Variants in DEUP1 observed in about 807,000 individuals in gnomAD.
DEUP1 encodes the protein coiled-coil domain containing 67.
DEUP1 carries 82 observed loss-of-function variants against 87.4 expected under a neutral mutation model. That is an observed-to-expected ratio of 0.94 (90% confidence interval 0.78 to 1.13). The LOEUF (loss-of-function observed/expected upper bound fraction) is 1.13, where lower values mean the gene tolerates loss of function less well. Ranked by LOEUF, DEUP1 falls within the 50% of genes most tolerant of loss-of-function variation. The probability of loss-of-function intolerance (pLI) is 0.00; values close to 1 mark genes in which losing one functional copy is unlikely to be tolerated. For synonymous variants in DEUP1, 214 were observed against 222.7 expected (o/e 0.96, Z 0.35); for missense variants, 663 against 681.5 (o/e 0.97, Z 0.30).
At chr11:93,345,468 C>G (rs937879554) in intron 2 of DEUP1, among the ~76,000 whole-genome samples, 10 of 152,188 alleles carry the variant, frequency 6.6e-5, no homozygotes, top group African/African-American at 2.2e-4. Flanking sequence ...AATTTCCACT[C>G]CCACAAACAG....
chr11:93,339,358 A>G (rs1037445448), intron 2 of DEUP1, among the ~76,000 whole-genome samples: 6 of 152,226 alleles, frequency 3.9e-5, no homozygotes, highest in South Asian at 2.1e-4. Flanking sequence ...GCACTATACA[A>G]TCCATGCAAT....
chr11:93,381,312 T>C (rs1485986185), intron 7 of DEUP1, among the ~76,000 whole-genome samples: 1 of 152,218 alleles, frequency 6.6e-6, no homozygotes, highest in Non-Finnish European at 1.5e-5. Context: ...AACCAATATA[T>C]GTATTTGGAA....
intron 2 of DEUP1, among the ~76,000 whole-genome samples, chr11:93,344,059 T>G (rs1294300351): frequency 2.0e-5 from 3 of 152,184 alleles, no homozygotes; most frequent in African/African-American, 7.2e-5. Context: ...TGTCTATGAC[T>G]CAATAATTAA....
At chr11:93,416,304 AAGAG>A (rs1947624770) in intron 13 of DEUP1, among the ~76,000 whole-genome samples, 1 of 152,176 alleles carries the variant, frequency 6.6e-6, no homozygotes, top group Admixed American at 6.5e-5. Flanking sequence ...TAAAGAAAAA[AAGAG>A]AGAAGAATCA....
At chr11:93,366,694 A>G (rs1199993580) in intron 5 of DEUP1, among the ~76,000 whole-genome samples, 1 of 152,098 alleles carries the variant, frequency 6.6e-6, no homozygotes, top group East Asian at 1.9e-4. Flanking sequence ...ATTTCTAGCT[A>G]TTCTTGGCCA....
At chr11:93,380,557 T>C (rs1046929782) in intron 7 of DEUP1, among the ~76,000 whole-genome samples, 4 of 151,960 alleles carry the variant, frequency 2.6e-5, no homozygotes, top group African/African-American at 9.7e-5. Context: ...CCGGCCACCA[T>C]GCTCGGCTAT....
chr11:93,373,611 A>ATATATATG (rs1461633018), intron 7 of DEUP1, among the ~76,000 whole-genome samples: 1 of 90,628 alleles, frequency 1.1e-5, no homozygotes, highest in African/African-American at 3.5e-5. Context: ...ATATTTATAT[A>ATATATATG]TGTATATATA....
At position 93,418,759 on chromosome 11, in the gene DEUP1, A is replaced by G. The variant is rs1228549236; in HGVS notation, c.1638+3645A>G. ...TATGTTTATTGCGGCACTATTCACA[A>G]TAGCAAAGACTTGGAACCAACCCAA... On this transcript the variant is annotated intron_variant, in intron 13 of 13. Coordinates refer to ENST00000298050, the MANE Select transcript of DEUP1 (RefSeq NM_181645.4). Among the ~76,000 whole-genome samples the G allele has an allele frequency of 7.5e-3, 1,143 of 152,090 alleles. 14 individuals are homozygous for G. The highest frequency in any genetic ancestry group is 0.027 in the African/African-American group (1,102 of 41,496).
chr11:93,415,866 T>C (rs919131139), intron 13 of DEUP1, among the ~76,000 whole-genome samples: 6 of 152,044 alleles, frequency 3.9e-5, no homozygotes, highest in African/African-American at 1.5e-4. Flanking sequence ...CCACATTCAA[T>C]GACAATAAAA....
At chr11:93,360,423 A>T (rs1945113676) in intron 4 of DEUP1, among the ~76,000 whole-genome samples, 1 of 152,204 alleles carries the variant, frequency 6.6e-6, no homozygotes, top group African/African-American at 2.4e-5. Flanking sequence ...TTATAGAAAG[A>T]ACCAAGAAGA....
At chr11:93,390,902 TGAAACC>T (rs1946744799) in intron 9 of DEUP1, among the ~76,000 whole-genome samples, 1 of 152,022 alleles carries the variant, frequency 6.6e-6, no homozygotes, top group African/African-American at 2.4e-5. Context: ...ACCAACATGG[TGAAACC>T]CCGTCTCTAC....
chr11:93,331,036 C>A (rs1291978743), intron 1 of DEUP1, among the ~76,000 whole-genome samples: 2 of 152,240 alleles, frequency 1.3e-5, no homozygotes, highest in Non-Finnish European at 2.9e-5. Context: ...TTGGGCAAGC[C>A]ACTTAACTTG....
chr11:93,346,488 AAGTATTGGGATTACAG>A (rs1273298975), intron 2 of DEUP1, among the ~76,000 whole-genome samples: 1 of 152,150 alleles, frequency 6.6e-6, no homozygotes, highest in African/African-American at 2.4e-5. Flanking sequence ...TGGCCTCTCA[AAGTATTGGGATTACAG>A]GTGTGAGCCA....
intron 7 of DEUP1, among the ~76,000 whole-genome samples, chr11:93,377,728 A>G (rs765219489): frequency 6.6e-6 from 1 of 152,094 alleles, no homozygotes; most frequent in Non-Finnish European, 1.5e-5. Flanking sequence ...TGTATGCTTC[A>G]AGGAGGTTCT....
At chr11:93,432,610 A>T (rs1428384690) in intron 13 of DEUP1, among the ~76,000 whole-genome samples, 1 of 152,182 alleles carries the variant, frequency 6.6e-6, no homozygotes, top group African/African-American at 2.4e-5. Context: ...GGGTTTTACC[A>T]GGTTATTAGG....
chr11:93,368,891 G>A (rs896199142), intron 5 of DEUP1, among the ~76,000 whole-genome samples: 26 of 151,902 alleles, frequency 1.7e-4, no homozygotes, highest in East Asian at 1.9e-4. Context: ...AGCCAAGATC[G>A]TGCCACTGCA....
chr11:93,429,478 G>T (rs76300999), intron 13 of DEUP1, among the ~76,000 whole-genome samples: 1,612 of 152,270 alleles, frequency 0.011, 20 homozygotes, highest in South Asian at 0.083. Flanking sequence ...GCTAGTGTCA[G>T]ATGATTTTAG....
chr11:93,362,732 C>CA (rs1413047489), intron 4 of DEUP1, among the ~76,000 whole-genome samples: 1 of 151,792 alleles, frequency 6.6e-6, no homozygotes, highest in Non-Finnish European at 1.5e-5. Context: ...TGTATCTACA[C>CA]AAAAACTTCT....
chr11:93,337,276 T>C (rs1943816372), intron 2 of DEUP1, among the ~76,000 whole-genome samples: 1 of 152,238 alleles, frequency 6.6e-6, no homozygotes, highest in Non-Finnish European at 1.5e-5. Flanking sequence ...ATCTTTACTT[T>C]ACTTACCAGG....
Sources: allele counts gnomAD v4.1 joint callset (sites outside exome capture counted in the v4.1 genomes callset), GRCh38; gene constraint gnomAD v4.1.1; transcripts MANE v1.5; gene names NCBI Gene and HGNC (gene_info 2026-07-23, HGNC 2026-07-21).